PCDHA5: variants seen among roughly 807,000 people sequenced by gnomAD.
PCDHA5 encodes the protein protocadherin alpha-5.
In PCDHA5, 43 loss-of-function variants were observed where a neutral mutation model predicts 61.6. The observed-to-expected ratio is 0.70, with a 90% confidence interval of 0.55 to 0.90. The LOEUF is 0.90. PCDHA5 is among the 40% of genes least tolerant of loss of function. The probability of loss-of-function intolerance (pLI) is 0.00; values close to 1 mark genes in which losing one functional copy is unlikely to be tolerated. For synonymous variants in PCDHA5, 627 were observed against 543.9 expected (o/e 1.15, Z -2.13); for missense variants, 1,298 against 1,222.7 (o/e 1.06, Z -0.92).
At chr5:140,980,152 C>T (rs1554241475) in intron 2 of PCDHA5, among the ~76,000 whole-genome samples, 1 of 152,040 alleles carries the variant, frequency 6.6e-6, no homozygotes, top group Admixed American at 6.6e-5. Flanking sequence ...CATGCATATA[C>T]CAGAATATTA....
chr5:140,923,062 A>G (rs548165193), intron 1 of PCDHA5, among the ~76,000 whole-genome samples: 1 of 152,372 alleles, frequency 6.6e-6, no homozygotes, highest in African/African-American at 2.4e-5. Context: ...TAAAAGAGCT[A>G]GGTCTCCTCA....
In PCDHA5 at chr5:140,993,461, CT is replaced by C. The variant is rs1554253717; in HGVS notation, c.2500+10899del. 2.8e-3 allele frequency among the ~76,000 whole-genome samples: 284 copies of C among 103,272 alleles called. 3 individuals are homozygous for C. Among genetic ancestry groups the C allele is most frequent in the African/African-American group, 0.011 (251 of 22,630 alleles). 67.8% of individuals were successfully genotyped at this position (103,272 alleles called of 152,430 possible). ...TCATTCCTGTTCTCCTTCTTTCTTTCTCACACACACACACACACACACACAC... is the reference window on the plus strand; with the variant it reads ...TCATTCCTGTTCTCCTTCTTTCTTTCCACACACACACACACACACACACAC... On this transcript the variant is annotated intron_variant, in intron 3 of 3. Coordinates refer to ENST00000529859, the MANE Select transcript of PCDHA5 (RefSeq NM_018908.3).
intron 1 of PCDHA5, chr5:140,884,062 C>T (rs1328958684): frequency 8.7e-6 from 14 of 1,613,496 alleles, no homozygotes; most frequent in Non-Finnish European, 1.2e-5. Context: ...GCGCGGTGGA[C>T]GCCGATTCGG....
intron 1 of PCDHA5, chr5:140,843,271 G>A: frequency 6.3e-7 from 1 of 1,596,112 alleles, no homozygotes; most frequent in East Asian, 2.2e-5. Flanking sequence ...TGCTGGTCCT[G>A]GTGAAGGATC....
intron 1 of PCDHA5, chr5:140,830,157 CA>C (rs2150182159): frequency 1.2e-6 from 2 of 1,613,406 alleles, no homozygotes; most frequent in South Asian, 2.2e-5. Context: ...GCCGCGGGCC[CA>C]GAGGCGGCGC....
At chr5:140,950,976 A>G (rs543425095) in intron 1 of PCDHA5, among the ~76,000 whole-genome samples, 188 of 151,348 alleles carry the variant, frequency 1.2e-3, no homozygotes, top group African/African-American at 4.3e-3. Flanking sequence ...AGATTCATTG[A>G]CTTTTGCCTC....
intron 1 of PCDHA5, among the ~76,000 whole-genome samples, chr5:140,920,150 G>A (rs2079485713): frequency 6.6e-6 from 1 of 152,244 alleles, no homozygotes; most frequent in South Asian, 2.1e-4. Flanking sequence ...CCAAACCTGG[G>A]AGAAAAACTG....
At chr5:140,985,377 A>G (rs782189204) in intron 3 of PCDHA5, among the ~76,000 whole-genome samples, 10 of 152,188 alleles carry the variant, frequency 6.6e-5, no homozygotes, top group Non-Finnish European at 5.9e-5. Context: ...CTGGGTCTAT[A>G]TAATCCAGTC....
intron 1 of PCDHA5, chr5:140,877,601 T>A (rs2057236715): frequency 6.2e-7 from 1 of 1,613,744 alleles, no homozygotes; most frequent in Non-Finnish European, 8.5e-7. Flanking sequence ...GTGTCCAGCC[T>A]GCTGGTGCTC....
intron 1 of PCDHA5, chr5:140,865,781 A>G (rs1213634186): frequency 3.3e-5 from 5 of 152,208 alleles, no homozygotes; most frequent in Admixed American, 1.3e-4. Flanking sequence ...TCAAATGTGT[A>G]TCTTTCAGGC....
chr5:140,966,740 C>T lies in PCDHA5; in HGVS notation c.2353-12209C>T, dbSNP rs782420339. 10 of 1,422,580 alleles carry T rather than the reference C, an allele frequency of 7.0e-6. No individual in the cohort carries two copies. In the Admixed American group the frequency reaches 8.4e-5, roughly 12 times the overall value. 88.1% of individuals were successfully genotyped at this position (1,422,580 alleles called of 1,614,324 possible). ...GGAAGCTGCCGCCTCCGGCCCTGCC[C>T]GGCTGCCTCCGCCGCGGCCAGTGGC... On this transcript the variant is annotated intron_variant, in intron 1 of 3. Transcript: ENST00000529859.
At chr5:140,871,649 G>T (rs781859029) in intron 1 of PCDHA5, 1 of 1,265,824 alleles carries the variant, frequency 7.9e-7, no homozygotes, top group Admixed American at 2.9e-5. Flanking sequence ...AATACCAAAT[G>T]ATACACATCT....
intron 1 of PCDHA5, among the ~76,000 whole-genome samples, chr5:140,875,040 T>C (rs1369679625): frequency 2.0e-5 from 3 of 152,340 alleles, no homozygotes; most frequent in Admixed American, 2.0e-4. Flanking sequence ...ATTTGAAAGA[T>C]TTCTACTTTG....
intron 1 of PCDHA5, chr5:140,851,907 T>A: frequency 3.1e-6 from 3 of 970,432 alleles, no homozygotes; most frequent in Non-Finnish European, 2.5e-6. Flanking sequence ...CTCTTTAATG[T>A]CACTACATGT....
At position 140,823,810 on chromosome 5, in the gene PCDHA5, T is replaced by A. The variant is rs1767880072; in HGVS notation, c.2035T>A (p.Ser679Thr). The change falls in exon 1 of 4, where the codon TCG (serine) becomes ACG (threonine). Residue 679 changes from serine to threonine, a missense_variant. By Grantham distance (58) the Ser-to-Thr change is moderately conservative. Coordinates refer to ENST00000529859, the MANE Select transcript of PCDHA5 (RefSeq NM_018908.3). The part of the protein sequence containing the change: ...VESGQAPKAS[S>T]RASAGAVGPE... Reference sequence around the variant, plus strand: ...AAGTGGCCAGGCGCCGAAGGCCTCATCGCGGGCGTCGGCGGGCGCTGTGGG... The same window carrying A: ...AAGTGGCCAGGCGCCGAAGGCCTCAACGCGGGCGTCGGCGGGCGCTGTGGG... The A allele has an allele frequency of 6.2e-7, 1 of 1,613,758 alleles. No homozygotes were observed. Among genetic ancestry groups the A allele is most frequent in the Non-Finnish European group, 8.5e-7 (1 of 1,179,906 alleles).
At chr5:140,835,855 C>A in intron 1 of PCDHA5, 2 of 1,612,246 alleles carry the variant, frequency 1.2e-6, no homozygotes, top group Non-Finnish European at 1.7e-6. Flanking sequence ...GCGCTGGTGT[C>A]CTACTCGCTG....
At chr5:140,829,504 C>T in intron 1 of PCDHA5, 1 of 1,613,582 alleles carries the variant, frequency 6.2e-7, no homozygotes, top group South Asian at 1.1e-5. Context: ...ACCCGCCGGG[C>T]TGCCACATCT....
chr5:140,874,953 G>C (rs2055192015), intron 1 of PCDHA5, among the ~76,000 whole-genome samples: 1 of 152,212 alleles, frequency 6.6e-6, no homozygotes, highest in Admixed American at 6.5e-5. Flanking sequence ...GGAATTGTAA[G>C]CTATATAAGG....
chr5:140,897,671 C>T (rs1329195952), intron 1 of PCDHA5, among the ~76,000 whole-genome samples: 1 of 152,066 alleles, frequency 6.6e-6, no homozygotes, highest in Non-Finnish European at 1.5e-5. Flanking sequence ...GTCTTTATAG[C>T]AGCATGATTT....
Sources: gnomAD v4.1 joint callset for allele counts (sites outside exome capture counted in the v4.1 genomes callset) on GRCh38, gnomAD v4.1.1 for gene constraint, MANE v1.5 for transcripts, NCBI Gene and HGNC (gene_info 2026-07-23, HGNC 2026-07-21) for gene names.